The following DYNC1I1 variants were observed in gnomAD, a reference collection of about 807,000 sequenced individuals.
DYNC1I1 encodes cytoplasmic dynein 1 intermediate chain 1.
Under a neutral mutation model 86.6 loss-of-function variants are expected in DYNC1I1, and 43 were observed. The observed-to-expected ratio is 0.50, with a 90% CI of 0.39 to 0.64. DYNC1I1 has a LOEUF of 0.64. Among genes scored for constraint, DYNC1I1 ranks in the 30% least tolerant of loss-of-function variants. The pLI, the probability that DYNC1I1 is intolerant of heterozygous loss-of-function variation, is 0.00. For missense variants in DYNC1I1, 604 were observed against 788.8 expected (o/e 0.77, Z 2.81); for synonymous variants, 262 against 283.7 (o/e 0.92, Z 0.77).
chr7:95,797,578 A>G (rs1794471988), intron 1 of DYNC1I1, among the ~76,000 whole-genome samples: 1 of 152,272 alleles, frequency 6.6e-6, no homozygotes, highest in Non-Finnish European at 1.5e-5. Flanking sequence ...TTATAAAATC[A>G]TACATGAGTA....
Position 95,968,636 on chromosome 7 carries a change from C to T in DYNC1I1, c.491-8876C>T, listed in dbSNP as rs1378326294. Among the ~76,000 whole-genome samples the T allele has an allele frequency of 1.3e-5, 2 of 152,044 alleles. 1 individual carries two copies. The highest frequency in any genetic ancestry group is 1.3e-4 in the Admixed American group (2 of 15,258). Reference sequence around the variant, plus strand: ...GATTTTCTTTTTCACAAGCAAGGTTCCCACCAAAGGAAACTGCAGATTTGC... The same window carrying T: ...GATTTTCTTTTTCACAAGCAAGGTTTCCACCAAAGGAAACTGCAGATTTGC... On this transcript the variant is annotated intron_variant, in intron 6 of 16. Coordinates refer to ENST00000447467, the MANE Select transcript of DYNC1I1 (RefSeq NM_001135556.2).
At chr7:96,008,738 A>G (rs1171969534) in intron 10 of DYNC1I1, among the ~76,000 whole-genome samples, 3 of 152,184 alleles carry the variant, frequency 2.0e-5, no homozygotes, top group Admixed American at 6.5e-5. Flanking sequence ...CAGAAAACTG[A>G]CTAAAGGTTA....
At chr7:95,960,573 A>G (rs1453696464) in intron 6 of DYNC1I1, among the ~76,000 whole-genome samples, 1 of 152,218 alleles carries the variant, frequency 6.6e-6, no homozygotes, top group Non-Finnish European at 1.5e-5. Flanking sequence ...CTTAGTTGAC[A>G]AACTTGATTT....
chr7:95,861,877 C>T (rs1789890913), intron 5 of DYNC1I1, among the ~76,000 whole-genome samples: 1 of 152,180 alleles, frequency 6.6e-6, no homozygotes, highest in Non-Finnish European at 1.5e-5. Flanking sequence ...TTAGCACCTG[C>T]TTGGAGCAAG....
chr7:95,858,497 A>G (rs1789784954), intron 5 of DYNC1I1, among the ~76,000 whole-genome samples: 1 of 152,192 alleles, frequency 6.6e-6, no homozygotes, highest in Non-Finnish European at 1.5e-5. Flanking sequence ...AACCAATATC[A>G]TAGTCATTTA....
chr7:95,823,411 G>T (rs1244727569), intron 4 of DYNC1I1, among the ~76,000 whole-genome samples: 1 of 152,072 alleles, frequency 6.6e-6, no homozygotes, highest in African/African-American at 2.4e-5. Flanking sequence ...CTTTCCTATG[G>T]CATTTATTAA....
At chr7:96,018,634 T>C (rs1423445325) in intron 10 of DYNC1I1, among the ~76,000 whole-genome samples, 1 of 152,152 alleles carries the variant, frequency 6.6e-6, no homozygotes, top group Non-Finnish European at 1.5e-5. Context: ...GAAGAGAAGT[T>C]GGGACCTAAA....
At chr7:95,808,159 G>GT (rs1320905252) in intron 2 of DYNC1I1, among the ~76,000 whole-genome samples, 1 of 152,042 alleles carries the variant, frequency 6.6e-6, no homozygotes, top group African/African-American at 2.4e-5. Flanking sequence ...TGACTCCCGA[G>GT]TTTAAGATTT....
At chr7:96,059,491 A>G (rs73708457) in intron 14 of DYNC1I1, among the ~76,000 whole-genome samples, 3,748 of 152,262 alleles carry the variant, frequency 0.025, 154 homozygotes, top group African/African-American at 0.085. Context: ...TGATCTAGGA[A>G]TATTTATTTT....
intron 13 of DYNC1I1, 33 bp downstream of exon 13, chr7:96,035,785 T>C: frequency 6.2e-7 from 1 of 1,606,516 alleles, no homozygotes; most frequent in Non-Finnish European, 8.5e-7. Context: ...GATGACATGT[T>C]CTTCATTTCC....
chr7:95,838,387 C>G (rs2115997737), intron 5 of DYNC1I1, among the ~76,000 whole-genome samples: 1 of 152,248 alleles, frequency 6.6e-6, no homozygotes, highest in South Asian at 2.1e-4. Flanking sequence ...TCCATTCTGT[C>G]CCACTGACCT....
chr7:95,804,252 G>A (rs1794651535), intron 1 of DYNC1I1: 5 of 585,466 alleles, frequency 8.5e-6, no homozygotes, highest in Non-Finnish European at 1.2e-5. Flanking sequence ...GTGGAGGAAT[G>A]TTTATTGAGT....
intron 14 of DYNC1I1, among the ~76,000 whole-genome samples, chr7:96,065,954 A>T (rs1789971563): frequency 6.6e-6 from 1 of 152,248 alleles, no homozygotes; most frequent in South Asian, 2.1e-4. Flanking sequence ...TGAATGTTAA[A>T]CATCTCTGAA....
At chr7:95,845,312 G>T (rs1031798113) in intron 5 of DYNC1I1, among the ~76,000 whole-genome samples, 1 of 152,168 alleles carries the variant, frequency 6.6e-6, no homozygotes, top group Non-Finnish European at 1.5e-5. Context: ...AATGAGAGAA[G>T]CATATAATCC....
chr7:95,865,639 A>G (rs1789998180), intron 5 of DYNC1I1, among the ~76,000 whole-genome samples: 1 of 152,198 alleles, frequency 6.6e-6, no homozygotes, highest in African/African-American at 2.4e-5. Context: ...GTGGTCCTGT[A>G]TGATTATAAT....
chr7:95,941,173 G>C (rs1298230625), intron 6 of DYNC1I1, among the ~76,000 whole-genome samples: 1 of 152,068 alleles, frequency 6.6e-6, no homozygotes, highest in African/African-American at 2.4e-5. Flanking sequence ...TGTCTCAGCG[G>C]AGTACCCGGC....
intron 1 of DYNC1I1, chr7:95,804,275 G>A (rs1024299697): frequency 1.2e-5 from 10 of 840,328 alleles, no homozygotes; most frequent in Non-Finnish European, 1.6e-5. Flanking sequence ...ATAGAAATTT[G>A]AGCAGGGCAT....
chr7:96,024,526 G>A (rs1268393861), intron 10 of DYNC1I1, among the ~76,000 whole-genome samples: 1 of 152,122 alleles, frequency 6.6e-6, no homozygotes, highest in African/African-American at 2.4e-5. Flanking sequence ...TATTCTTACA[G>A]TATAACAAGG....
At chr7:95,883,941 A>G (rs1478114829) in intron 6 of DYNC1I1, among the ~76,000 whole-genome samples, 3 of 152,158 alleles carry the variant, frequency 2.0e-5, no homozygotes, top group Non-Finnish European at 4.4e-5. Flanking sequence ...TTTTTTAATG[A>G]AGATTTTTTG....
Sources: allele counts gnomAD v4.1 joint callset (sites outside exome capture counted in the v4.1 genomes callset), GRCh38; gene constraint gnomAD v4.1.1; transcripts MANE v1.5; gene names NCBI Gene and HGNC (gene_info 2026-07-23, HGNC 2026-07-21).